The following COL5A3 variants were observed in gnomAD, a reference collection of about 807,000 sequenced individuals.
The protein encoded by COL5A3 is collagen type V alpha 3 chain.
COL5A3 carries 172 observed loss-of-function variants against 250.0 expected under a neutral mutation model. The observed-to-expected ratio is 0.69, with a 90% CI of 0.61 to 0.78. The LOEUF (loss-of-function observed/expected upper bound fraction) is 0.78, where lower values mean the gene tolerates loss of function less well. COL5A3 is among the 30% of genes least tolerant of loss of function. The pLI, the probability that COL5A3 is intolerant of heterozygous loss-of-function variation, is 0.00. For synonymous variants in COL5A3, 937 were observed against 900.4 expected (o/e 1.04, Z -0.73); for missense variants, 2,340 against 2,334.4 (o/e 1.00, Z -0.05).
chr19:9,967,284 G>T lies in COL5A3; in HGVS notation c.4458+63C>A. On this transcript the variant is annotated intron_variant, in intron 62 of 66. Coordinates refer to ENST00000264828, the MANE Select transcript of COL5A3 (RefSeq NM_015719.4). The stretch of plus-strand genomic sequence containing the variant: ...CGGAAGGACCCTCTGGGGACACCCA[G>T]ACATAGTCCTTGCTCTCCCCCCAGG... 1 of 1,254,684 alleles carries T rather than the reference G, an allele frequency of 8.0e-7. No homozygotes were observed. Among genetic ancestry groups the T allele is most frequent in the Non-Finnish European group, 1.0e-6 (1 of 954,070 alleles). The allele number at this position is 1,254,684 out of a possible 1,614,324, so 77.7% of individuals were successfully genotyped here.
chr19:9,972,283 AT>A (rs2086859986), intron 51 of COL5A3, among the ~76,000 whole-genome samples: 2 of 152,104 alleles, frequency 1.3e-5, no homozygotes, highest in Middle Eastern at 3.4e-3. Context: ...TCACCCATTC[AT>A]TCCCTCGTTC....
Position 9,985,889 on chromosome 19 carries a change from G to A in COL5A3, c.2359C>T (p.Leu787Phe). The A allele has an allele frequency of 6.2e-7, 1 of 1,614,024 alleles. No individual in the cohort carries two copies. The highest frequency in any genetic ancestry group is 8.5e-7 in the Non-Finnish European group (1 of 1,179,956). Residue 787 changes from leucine (L) to phenylalanine (F), a missense_variant, in exon 31 of 67, where the codon CTT becomes TTT. Transcript: ENST00000264828. ...PPGSAGEKGK[L>F]GVPGLPGYPG... Reference sequence around the variant, plus strand: ...TAACCTGGGAGGCCTGGCACCCCAAGCTTGCCCTGCAGAAAGGTTATGGGA... The same window carrying A: ...TAACCTGGGAGGCCTGGCACCCCAAACTTGCCCTGCAGAAAGGTTATGGGA...
chr19:9,995,462 C>T, intron 16 of COL5A3, 102 bp downstream of exon 16: 1 of 1,015,982 alleles, frequency 9.8e-7, no homozygotes, highest in Non-Finnish European at 1.4e-6. Context: ...GCACTCTTTT[C>T]CCACTAACGA....
Position 9,992,055 on chromosome 19 carries a change from G to A in COL5A3, c.1849-7C>T, listed in dbSNP as rs1427800830. 6 of 1,613,280 alleles carry A rather than the reference G, an allele frequency of 3.7e-6. No individual in the cohort carries two copies. The highest frequency in any genetic ancestry group is 3.3e-5 in the South Asian group (3 of 90,978). On this transcript the variant is annotated splice_region_variant and splice_polypyrimidine_tract_variant and intron_variant, in intron 21 of 66. Coordinates refer to ENST00000264828, the MANE Select transcript of COL5A3 (RefSeq NM_015719.4). ...CATCAATTCCAGTCACACCCTAGGG[G>A]AAAAGAGGATGTGAGACCAAGACAG...
At chr19:9,993,925 T>A in intron 16 of COL5A3, 119 bp from the exon 17 acceptor site, 2 of 870,308 alleles carry the variant, frequency 2.3e-6, no homozygotes, top group Middle Eastern at 4.6e-4. Flanking sequence ...TCTCCTTCTG[T>A]CACTCAGGTT....
In COL5A3 at chr19:9,978,589, C is replaced by A. The variant is rs188093166; in HGVS notation, c.3003G>T (p.Gly1001=). The part of the protein sequence containing the change: ...TGLKGDKGPP[G]PVGANGSPGE... ...TTATACTTACATTGGCCCCCACGGGCCCTGGGGGGCCCTTATCACCCTTTA... is the reference window on the plus strand; with the variant it reads ...TTATACTTACATTGGCCCCCACGGGACCTGGGGGGCCCTTATCACCCTTTA... The change falls in exon 41 of 67, where the codon GGG becomes GGT. Residue 1001 remains glycine, a synonymous_variant. Transcript: ENST00000264828. 6.4e-5 allele frequency: 101 copies of A among 1,578,852 alleles called. No homozygotes were observed. In the Admixed American group the frequency reaches 1.9e-3, roughly 30 times the overall value.
intron 1 of COL5A3, among the ~76,000 whole-genome samples, chr19:10,007,855 G>A (rs993688095): frequency 2.8e-5 from 4 of 145,100 alleles, no homozygotes; most frequent in Admixed American, 6.8e-5. Context: ...ATCCCTGCCC[G>A]CCCTCTCTCT....
intron 16 of COL5A3, 54 bp from the exon 17 acceptor site, chr19:9,993,860 A>T: frequency 6.7e-7 from 1 of 1,498,318 alleles, no homozygotes. Context: ...GTACCCCTCC[A>T]CCAAATTAGG....
chr19:9,966,839 A>C (rs2086756027), intron 62 of COL5A3, 93 bp from the exon 63 acceptor site: 1 of 972,892 alleles, frequency 1.0e-6, no homozygotes, highest in African/African-American at 1.6e-5. Flanking sequence ...AGAGGCAGAC[A>C]GACACAAATG....
intron 64 of COL5A3, among the ~76,000 whole-genome samples, chr19:9,964,096 T>C (rs1312410892): frequency 2.6e-5 from 4 of 152,040 alleles, no homozygotes; most frequent in Admixed American, 1.3e-4. Flanking sequence ...TTGCTTGAAC[T>C]GGGGAGGTGG....
Position 9,970,634 on chromosome 19 carries a change from G to T in COL5A3, c.3924C>A (p.Pro1308=). 1 of 1,450,556 alleles carries T rather than the reference G, an allele frequency of 6.9e-7. No individual in the cohort carries two copies. Among genetic ancestry groups the T allele is most frequent in the Non-Finnish European group, 9.1e-7 (1 of 1,103,014 alleles). 89.9% of individuals were successfully genotyped at this position (1,450,556 alleles called of 1,614,324 possible). The change falls in exon 54 of 67, where the codon CCC becomes CCA. Residue 1308 remains proline (P), a synonymous_variant. Coordinates refer to ENST00000264828, the MANE Select transcript of COL5A3 (RefSeq NM_015719.4). ...GCTTATCACTTACCCTCTTGCCGGG[G>T]GGCCCGGGGGCGCCGGGCTCCCCAG... ...GASGEPGAPG[P]PGKRGPSGHM...
At chr19:10,001,941 G>T in intron 6 of COL5A3, 60 bp from the exon 7 acceptor site, 2 of 1,231,522 alleles carry the variant, frequency 1.6e-6, no homozygotes, top group Non-Finnish European at 2.4e-6. Context: ...ACAAAAGGGA[G>T]GCACCCTCCC....
rs2086685247 is a variant in COL5A3, at chr19:9,962,282, A to G, written c.4851+537T>C. Reference sequence around the variant, plus strand: ...TCACCATGTCTGGCTAATTTTTTGTATTTTTAGCAGAGATGGGGTTTTACA... The same window carrying G: ...TCACCATGTCTGGCTAATTTTTTGTGTTTTTAGCAGAGATGGGGTTTTACA... On this transcript the variant is annotated intron_variant, in intron 65 of 66. Transcript: ENST00000264828. 2.0e-5 allele frequency among the ~76,000 whole-genome samples: 3 copies of G among 151,824 alleles called. No homozygotes were observed. In the South Asian group the frequency reaches 6.2e-4, roughly 31 times the overall value.
intron 28 of COL5A3, 44 bp downstream of exon 28, chr19:9,986,670 T>C: frequency 6.2e-7 from 1 of 1,613,622 alleles, no homozygotes; most frequent in South Asian, 1.1e-5. Context: ...CAGGACCCCA[T>C]GATTGGGACT....
chr19:10,010,202 T>TGCC, intron 1 of COL5A3, 96 bp downstream of exon 1: 3 of 653,180 alleles, frequency 4.6e-6, no homozygotes, highest in Non-Finnish European at 6.1e-6. Context: ...CCCACGCCCT[T>TGCC]CCCCTCCACG....
chr19:9,979,994 A>AG lies in COL5A3; in HGVS notation c.2657dup (p.Gly887TrpfsTer5). 6.3e-7 allele frequency: 1 copy of AG among 1,585,722 alleles called. No homozygotes were observed. Among genetic ancestry groups the AG allele is most frequent in the Non-Finnish European group, 8.5e-7 (1 of 1,172,246 alleles). On this transcript the variant is annotated frameshift_variant and splice_region_variant, in exon 36 of 67. Coordinates refer to ENST00000264828, the MANE Select transcript of COL5A3 (RefSeq NM_015719.4). LOFTEE classifies it high-confidence loss of function. ...CCCCAATGAGGGTGACCTCACTCAC[A>AG]GGGGGGCCCTTTGGCCCAGGGAATC...
At chr19:9,977,753 A>G in intron 41 of COL5A3, 52 bp from the exon 42 acceptor site, 2 of 1,403,290 alleles carry the variant, frequency 1.4e-6, no homozygotes, top group South Asian at 1.6e-5. Context: ...GCTGTCCTTT[A>G]TGGAGGGTTT....
At chr19:9,965,483 T>C (rs74178186) in intron 64 of COL5A3, among the ~76,000 whole-genome samples, 28,405 of 147,416 alleles carry the variant, frequency 0.19, 2,977 homozygotes, top group South Asian at 0.32. Context: ...AGGCGGAGTC[T>C]CACTCTGTCA....
At chr19:9,972,330 C>T (rs375432588) in intron 51 of COL5A3, among the ~76,000 whole-genome samples, 3 of 81,092 alleles carry the variant, frequency 3.7e-5, no homozygotes, top group Non-Finnish European at 7.4e-5. Flanking sequence ...TTCACTCACT[C>T]GTTCATCCAT....
Sources: allele counts gnomAD v4.1 joint callset (sites outside exome capture counted in the v4.1 genomes callset), GRCh38; gene constraint gnomAD v4.1.1; transcripts MANE v1.5; gene names NCBI Gene and HGNC (gene_info 2026-07-23, HGNC 2026-07-21).